IGSF11: variants seen among roughly 807,000 people sequenced by gnomAD.
IGSF11 encodes immunoglobulin superfamily member 11.
In IGSF11, 22 loss-of-function variants were observed where a neutral mutation model predicts 41.0. The ratio of observed to expected loss-of-function variants is 0.54; its 90% CI spans 0.38 to 0.77. IGSF11 has a LOEUF of 0.77. Ranked by LOEUF, IGSF11 falls within the 30% of genes least tolerant of loss-of-function variation. The pLI, the probability that IGSF11 is intolerant of heterozygous loss-of-function variation, is 0.00. For missense variants in IGSF11, 444 were observed against 530.8 expected, an observed-to-expected ratio of 0.84 and a Z score of 1.61; for synonymous variants, 219 against 201.3, an observed-to-expected ratio of 1.09 and a Z score of -0.74.
intron 1 of IGSF11, among the ~76,000 whole-genome samples, chr3:118,997,545 A>ACCCC (rs1349747337): frequency 1.6e-5 from 1 of 63,290 alleles, no homozygotes; most frequent in Admixed American, 1.8e-4. Flanking sequence ...CAGCCACACC[A>ACCCC]CCCCCCTCCC....
chr3:118,962,544 T>G (rs776810049), intron 1 of IGSF11, among the ~76,000 whole-genome samples: 1 of 152,082 alleles, frequency 6.6e-6, no homozygotes, highest in South Asian at 2.1e-4. Context: ...GGAAGAAGTA[T>G]TTGGGGGAAA....
Position 119,064,024 on chromosome 3 carries a change from G to T in IGSF11, c.49+41120C>A, listed in dbSNP as rs187763136. Among the ~76,000 whole-genome samples, 432 of 152,310 alleles carry T rather than the reference G, an allele frequency of 2.8e-3. 1 individual carries two copies. Among genetic ancestry groups the T allele is most frequent in the Non-Finnish European group, 2.1e-3 (146 of 68,016 alleles). On this transcript the variant is annotated intron_variant, in intron 1 of 6. Coordinates refer to the IGSF11 transcript ENST00000354673. Reference sequence around the variant, plus strand: ...GTTCCATTATAGTGGTCCAGAAAGTGCAGAGTAGCGTTAGGTCCTTGGTTG... The same window carrying T: ...GTTCCATTATAGTGGTCCAGAAAGTTCAGAGTAGCGTTAGGTCCTTGGTTG...
In IGSF11 at chr3:118,919,068, G is replaced by A. The variant is rs1427138819; in HGVS notation, c.580+7033C>T. On this transcript the variant is annotated intron_variant, in intron 4 of 6. Coordinates refer to ENST00000393775, the MANE Select transcript of IGSF11 (RefSeq NM_001015887.3). ...ACTGGCTAGCCATATGTAGAAAGCT[G>A]AAACTGGATCCCTTCCTTACACCTT... 2.2e-5 allele frequency among the ~76,000 whole-genome samples: 3 copies of A among 137,168 alleles called. No homozygotes were observed. The East Asian group carries it at 6.1e-4, about 28-fold the overall frequency. The allele number at this position is 137,168 out of a possible 152,430, so 90.0% of individuals were successfully genotyped here.
chr3:118,920,386 T>C (rs1007462741), intron 4 of IGSF11, among the ~76,000 whole-genome samples: 2 of 151,320 alleles, frequency 1.3e-5, no homozygotes, highest in African/African-American at 4.8e-5. Context: ...CAATAAAATA[T>C]TAGACATTGA....
At chr3:119,069,381 A>G (rs1942333448) in intron 1 of IGSF11, among the ~76,000 whole-genome samples, 2 of 152,182 alleles carry the variant, frequency 1.3e-5, no homozygotes, top group South Asian at 4.1e-4. Flanking sequence ...TTTTGAAACA[A>G]TGAGTAGAAA....
intron 1 of IGSF11, among the ~76,000 whole-genome samples, chr3:118,990,155 C>T (rs1277034567): frequency 6.6e-6 from 1 of 152,124 alleles, no homozygotes; most frequent in African/African-American, 2.4e-5. Context: ...CAATAGGGAA[C>T]CACTGAAGAG....
intron 1 of IGSF11, among the ~76,000 whole-genome samples, chr3:119,066,498 G>C (rs975870934): frequency 6.6e-6 from 1 of 152,120 alleles, no homozygotes; most frequent in African/African-American, 2.4e-5. Flanking sequence ...TAGATTCTAA[G>C]TATGATTCAT....
At chr3:119,001,604 A>G (rs1328804626) in intron 1 of IGSF11, among the ~76,000 whole-genome samples, 2 of 129,118 alleles carry the variant, frequency 1.5e-5, no homozygotes, top group Non-Finnish European at 3.3e-5. Flanking sequence ...TATATCTCCC[A>G]ATGCTATCCC....
intron 1 of IGSF11, among the ~76,000 whole-genome samples, chr3:119,126,634 C>T (rs912133833): frequency 6.6e-6 from 1 of 152,128 alleles, no homozygotes. Flanking sequence ...CAGGGTGGTG[C>T]CCCTTGAGGT....
intron 1 of IGSF11, among the ~76,000 whole-genome samples, chr3:118,948,621 C>T (rs986743943): frequency 3.3e-5 from 5 of 152,004 alleles, no homozygotes; most frequent in South Asian, 2.1e-4. Flanking sequence ...ATGGCTCAAA[C>T]GCAGGGAATT....
intron 1 of IGSF11, among the ~76,000 whole-genome samples, chr3:119,003,168 C>G (rs1180362747): frequency 2.7e-5 from 4 of 145,850 alleles, no homozygotes; most frequent in African/African-American, 1.1e-4. Context: ...GTTTGTAGTT[C>G]TCCTCAAAGA....
rs116822661 is a variant in IGSF11, at chr3:118,939,778, C to T, written c.53-9503G>A. 9.1e-3 allele frequency among the ~76,000 whole-genome samples: 1,383 copies of T among 152,184 alleles called. 23 individuals carry two copies. Among genetic ancestry groups the T allele is most frequent in the African/African-American group, 0.032 (1,327 of 41,532 alleles). On this transcript the variant is annotated intron_variant, in intron 1 of 6. Transcript: ENST00000393775. ...AAGAAGAAAGGTTTATAATCAATGA[C>T]CTAAGTTTCCACCTTAAGAAACTTT...
intron 1 of IGSF11, among the ~76,000 whole-genome samples, chr3:119,044,374 T>C (rs1259861499): frequency 6.6e-6 from 1 of 151,918 alleles, no homozygotes; most frequent in Non-Finnish European, 1.5e-5. Context: ...AAAAAAAGAA[T>C]TTTTAAAAAA....
At position 119,091,993 on chromosome 3, in the gene IGSF11, T is replaced by G. The variant is rs1167460316; in HGVS notation, c.49+13151A>C. Among the ~76,000 whole-genome samples, 5 of 129,298 alleles carry G rather than the reference T, an allele frequency of 3.9e-5. No individual in the cohort carries two copies. The East Asian group carries it at 6.7e-4, about 17-fold the overall frequency. The allele number at this position is 129,298 out of a possible 152,430, so 84.8% of individuals were successfully genotyped here. The stretch of plus-strand genomic sequence containing the variant: ...TTTGTTTTTTGGTTTTTGGTTTTTT[T>G]GGGGGGGGGGGGTTGGTGGTTTTTT... On this transcript the variant is annotated intron_variant, in intron 1 of 6. Transcript: ENST00000354673.
intron 1 of IGSF11, among the ~76,000 whole-genome samples, chr3:118,972,818 T>C (rs1482976673): frequency 2.0e-5 from 3 of 152,236 alleles, no homozygotes; most frequent in Admixed American, 6.5e-5. Flanking sequence ...AACTAAAATA[T>C]AGACATTTTC....
intron 1 of IGSF11, among the ~76,000 whole-genome samples, chr3:118,994,899 A>G (rs577362103): frequency 6.6e-6 from 1 of 152,258 alleles, no homozygotes; most frequent in East Asian, 1.9e-4. Flanking sequence ...TAGACAGGAG[A>G]GGAATGGTAC....
intron 1 of IGSF11, among the ~76,000 whole-genome samples, chr3:118,981,089 T>C (rs904437069): frequency 1.3e-5 from 2 of 152,372 alleles, no homozygotes; most frequent in African/African-American, 2.4e-5. Context: ...CTTGTGTTTA[T>C]GAGTGAGCTG....
chr3:119,084,535 AC>A (rs1177601059), intron 1 of IGSF11, among the ~76,000 whole-genome samples: 1 of 151,896 alleles, frequency 6.6e-6, no homozygotes, highest in East Asian at 1.9e-4. Flanking sequence ...ATAAGCACCC[AC>A]CCCCACTGCA....
chr3:118,990,311 A>T (rs1935668841), intron 1 of IGSF11, among the ~76,000 whole-genome samples: 1 of 152,212 alleles, frequency 6.6e-6, no homozygotes, highest in Non-Finnish European at 1.5e-5. Context: ...AGTGAAGAGA[A>T]CCTGCATTAT....
Sources: allele counts gnomAD v4.1 joint callset (sites outside exome capture counted in the v4.1 genomes callset), GRCh38; gene constraint gnomAD v4.1.1; transcripts MANE v1.5; gene names NCBI Gene and HGNC (gene_info 2026-07-23, HGNC 2026-07-21).